Variants in STAT1 observed in about 807,000 individuals in gnomAD.
The protein encoded by STAT1 is signal transducer and activator of transcription 1-alpha/beta.
In STAT1, 24 loss-of-function variants were observed where a neutral mutation model predicts 111.7. That is an observed-to-expected ratio of 0.21 (90% CI 0.16 to 0.30). The LOEUF (loss-of-function observed/expected upper bound fraction) is 0.30, where lower values mean the gene tolerates loss of function less well. STAT1 is among the 10% of genes least tolerant of loss of function. STAT1 has a pLI of 1.00. For missense variants in STAT1, 351 were observed against 911.9 expected (o/e 0.38, Z 7.92); for synonymous variants, 332 against 326.5 (o/e 1.02, Z -0.18).
At chr2:191,011,714 T>G (rs1421235380) in intron 2 of STAT1, among the ~76,000 whole-genome samples, 2 of 152,110 alleles carry the variant, frequency 1.3e-5, no homozygotes, top group Non-Finnish European at 2.9e-5. Flanking sequence ...CCTCATGACA[T>G]CTGATGGTTT....
rs1481408953 is a variant in STAT1, at chr2:190,971,912, C to T, written c.2239-1195G>A. On this transcript the variant is annotated intron_variant, in intron 24 of 24. Coordinates refer to ENST00000361099, the MANE Select transcript of STAT1 (RefSeq NM_007315.4). The surrounding 1 kb of genome is among the most constrained non-coding windows in gnomAD (Gnocchi z 4.1). ...ATTTTTAGTAGAGATGGGGTTTCAC[C>T]GTGTTGGCCAGGCTGGTCTCAAACT... is the stretch of plus-strand genomic sequence containing the variant. Among the ~76,000 whole-genome samples, 9 of 152,054 alleles carry T rather than the reference C, an allele frequency of 5.9e-5. No homozygotes were observed. Among genetic ancestry groups the T allele is most frequent in the Admixed American group, 1.3e-4 (2 of 15,264 alleles).
rs1382612689 is a variant in STAT1 at position 191,009,929 on chromosome 2, A to ACTGT, written c.71_74dup (p.Ser25ArgfsTer26). 1 of 1,613,906 alleles carries ACTGT rather than the reference A, an allele frequency of 6.2e-7. No homozygotes were observed. The highest frequency in any genetic ancestry group is 8.5e-7 in the Non-Finnish European group (1 of 1,179,938). The stretch of plus-strand genomic sequence containing the variant: ...GGTACTGTCTGATTTCCATGGGAAA[A>ACTGT]CTGTCATCATAAAGCTGGTGAACCT... On this transcript the variant is annotated frameshift_variant, in exon 3 of 25. Transcript: ENST00000361099. LOFTEE classifies it high-confidence loss of function.
rs1221554844 is a variant in STAT1 at position 190,973,365 on chromosome 2, G to A, written c.2238+1465C>T. 6.6e-6 allele frequency among the ~76,000 whole-genome samples: 1 copy of A among 152,122 alleles called. No homozygotes were observed. Among genetic ancestry groups the A allele is most frequent in the Non-Finnish European group, 1.5e-5 (1 of 68,028 alleles). On this transcript the variant is annotated intron_variant, in intron 24 of 24. Transcript: ENST00000361099. The surrounding 1 kb of genome is among the most constrained non-coding windows in gnomAD (Gnocchi z 4.4). ...ATAAAAGGGGCTGTGTGGGGAGGAG[G>A]GGCTCTGTTCCCACATCTGTCAAAG...
At chr2:190,972,811 T>C (rs1406596718) in intron 24 of STAT1, among the ~76,000 whole-genome samples, 3 of 126,948 alleles carry the variant, frequency 2.4e-5, no homozygotes, top group Non-Finnish European at 4.9e-5. Flanking sequence ...TAGTGGTGTA[T>C]AGAGGGTGTG....
Position 190,980,791 on chromosome 2 carries a change from T to C in STAT1, c.1583-122A>G, listed in dbSNP as rs1692325547. 1.1e-5 allele frequency: 10 copies of C among 950,660 alleles called. No individual in the cohort carries two copies. The South Asian group carries it at 1.4e-4, about 13-fold the overall frequency. 58.9% of individuals were successfully genotyped at this position (950,660 alleles called of 1,614,324 possible). A position where few individuals can be genotyped will look rare whatever the true frequency, so the allele number is the denominator to read the frequency against. ...CCAAACACCCAACAAAGATTGTATG[T>C]ACACAGTTGACATTTTCGGATACCT... On this transcript the variant is annotated intron_variant, in intron 18 of 24. Coordinates refer to ENST00000361099, the MANE Select transcript of STAT1 (RefSeq NM_007315.4). This position sits in a 1 kb window ranked among gnomAD's most constrained non-coding sequence, Gnocchi z 6.1.
At position 190,987,196 on chromosome 2, in the gene STAT1, G is replaced by A. The variant is rs2125036435; in HGVS notation, c.1098-128C>T. The A allele has an allele frequency of 1.3e-6, 1 of 756,504 alleles. No individual in the cohort carries two copies. Among genetic ancestry groups the A allele is most frequent in the Non-Finnish European group, 2.2e-6 (1 of 447,782 alleles). 46.9% of individuals were successfully genotyped at this position (756,504 alleles called of 1,614,324 possible). ...GAATAAAAAATAAATCTACACCTATGGATTTGCAGCCTTTCATTCACTCCC... is the reference window on the plus strand; with the variant it reads ...GAATAAAAAATAAATCTACACCTATAGATTTGCAGCCTTTCATTCACTCCC... On this transcript the variant is annotated intron_variant, in intron 12 of 24. Transcript: ENST00000361099. The surrounding 1 kb of genome is among the most constrained non-coding windows in gnomAD (Gnocchi z 4.0).
rs1692588959 is a variant in STAT1, at chr2:190,984,015, A to G, written c.1348-275T>C. ...AGATGAAAACTGTCACAATGAAAAC[A>G]TAAAATGTGGGGGGAGGGCAGAGCA... is the stretch of plus-strand genomic sequence containing the variant. On this transcript the variant is annotated intron_variant, in intron 16 of 24. Transcript: ENST00000361099. The surrounding 1 kb of genome is among the most constrained non-coding windows in gnomAD (Gnocchi z 5.2). Among the ~76,000 whole-genome samples, 1 of 152,206 alleles carries G rather than the reference A, an allele frequency of 6.6e-6. No individual in the cohort carries two copies. Among genetic ancestry groups the G allele is most frequent in the South Asian group, 2.1e-4 (1 of 4,832 alleles).
At position 191,000,293 on chromosome 2, in the gene STAT1, G is replaced by A. The variant is rs183338975; in HGVS notation, c.463-589C>T. 8.5e-5 allele frequency among the ~76,000 whole-genome samples: 13 copies of A among 152,290 alleles called. No individual in the cohort carries two copies. The highest frequency in any genetic ancestry group is 2.1e-4 in the South Asian group (1 of 4,826). On this transcript the variant is annotated intron_variant, in intron 6 of 24. Transcript: ENST00000361099. The surrounding 1 kb of genome is among the most constrained non-coding windows in gnomAD (Gnocchi z 4.8). Reference sequence around the variant, plus strand: ...CTCTGGATTTCCATGGCTATTTCTGGACTGGGCTCACTCGGTTTCTACTTT... The same window carrying A: ...CTCTGGATTTCCATGGCTATTTCTGAACTGGGCTCACTCGGTTTCTACTTT...
At position 190,999,142 on chromosome 2, in the gene STAT1, T is replaced by G. The variant is rs1255015535; in HGVS notation, c.541+484A>C. Among the ~76,000 whole-genome samples the G allele has an allele frequency of 6.6e-6, 1 of 152,224 alleles. No homozygotes were observed. The highest frequency in any genetic ancestry group is 1.5e-5 in the Non-Finnish European group (1 of 68,040). ...CTGCTTTAAAACATGAGAAAAATAC[T>G]GAGCTTATCTGCTGTGTATACACGT... On this transcript the variant is annotated intron_variant, in intron 7 of 24. Coordinates refer to ENST00000361099, the MANE Select transcript of STAT1 (RefSeq NM_007315.4). The surrounding 1 kb of genome is among the most constrained non-coding windows in gnomAD (Gnocchi z 4.1).
rs1014128523 is a variant in STAT1 at position 190,986,787 on chromosome 2, G to A, written c.1221+67C>T. 5 of 1,485,532 alleles carry A rather than the reference G, an allele frequency of 3.4e-6. No homozygotes were observed. The African/African-American group carries it at 6.9e-5, about 21-fold the overall frequency. 92.0% of individuals were successfully genotyped at this position (1,485,532 alleles called of 1,614,324 possible). Reference sequence around the variant, plus strand: ...CCTCCACATGGCAATGTGCCAAAAAGGGCTGCTCTATTGTCAAAAGTCCTA... The same window carrying A: ...CCTCCACATGGCAATGTGCCAAAAAAGGCTGCTCTATTGTCAAAAGTCCTA... On this transcript the variant is annotated intron_variant, in intron 14 of 24. Coordinates refer to ENST00000361099, the MANE Select transcript of STAT1 (RefSeq NM_007315.4). This position sits in a 1 kb window ranked among gnomAD's most constrained non-coding sequence, Gnocchi z 5.0.
intron 1 of STAT1, 47 bp downstream of exon 1, chr2:191,013,971 T>A (rs906344657): frequency 3.8e-6 from 1 of 266,362 alleles, no homozygotes; most frequent in Non-Finnish European, 7.0e-6. Context: ...GAGGACTCTG[T>A]CCCTGCGCGT....
In STAT1 at chr2:190,989,007, TGGACCCCCAAGAGAGATGCCCATTCCTG is replaced by T. The variant is rs1211766057; in HGVS notation, c.1097+580_1097+607del. Among the ~76,000 whole-genome samples the T allele has an allele frequency of 6.6e-6, 1 of 152,098 alleles. No homozygotes were observed. Among genetic ancestry groups the T allele is most frequent in the South Asian group, 2.1e-4 (1 of 4,820 alleles). ...CAAAATAGGATGAGGCTGCTCCACC[TGGACCCCCAAGAGAGATGCCCATTCCTG>T]GGTTCCCACTGCCCAGAAGAGACAA... On this transcript the variant is annotated intron_variant, in intron 12 of 24. Transcript: ENST00000361099. This position sits in a 1 kb window ranked among gnomAD's most constrained non-coding sequence, Gnocchi z 5.0.
chr2:190,991,341 A>G, intron 10 of STAT1, 21 bp from the exon 11 acceptor site: 1 of 1,612,642 alleles, frequency 6.2e-7, no homozygotes, highest in Non-Finnish European at 8.5e-7. Flanking sequence ...CCAGCAAAGG[A>G]TAGATAAGTT....
At position 190,984,216 on chromosome 2, in the gene STAT1, T is replaced by A; in HGVS notation, c.1347+94A>T. 1 of 1,033,216 alleles carries A rather than the reference T, an allele frequency of 9.7e-7. No individual in the cohort carries two copies. The highest frequency in any genetic ancestry group is 1.5e-6 in the Non-Finnish European group (1 of 670,638). The allele number at this position is 1,033,216 out of a possible 1,614,324, so 64.0% of individuals were successfully genotyped here. A position where few individuals can be genotyped will look rare whatever the true frequency, so the allele number is the denominator to read the frequency against. On this transcript the variant is annotated intron_variant, in intron 16 of 24. Transcript: ENST00000361099. The surrounding 1 kb of genome is among the most constrained non-coding windows in gnomAD (Gnocchi z 5.2). ...GATCATTTTAAAACAATTAGGTAAA[T>A]ACCTCCAGAACAAACACTGAGAAAT...
chr2:190,972,458 G>A (rs1691564240), intron 24 of STAT1, among the ~76,000 whole-genome samples: 1 of 152,180 alleles, frequency 6.6e-6, no homozygotes, highest in Non-Finnish European at 1.5e-5. Context: ...AGGAGCCTAT[G>A]GTCCTGTTGC....
In STAT1 at chr2:190,987,882, A is replaced by C. The variant is rs1328557693; in HGVS notation, c.1098-814T>G. On this transcript the variant is annotated intron_variant, in intron 12 of 24. Coordinates refer to ENST00000361099, the MANE Select transcript of STAT1 (RefSeq NM_007315.4). This position sits in a 1 kb window ranked among gnomAD's most constrained non-coding sequence, Gnocchi z 4.0. ...ATTTTCCCGTTTGGAAAAAAAAAGA[A>C]TTTAAAATAAAAGGGATAGTATGAT... 1.3e-5 allele frequency among the ~76,000 whole-genome samples: 2 copies of C among 152,214 alleles called. No homozygotes were observed. Among genetic ancestry groups the C allele is most frequent in the African/African-American group, 4.8e-5 (2 of 41,454 alleles).
chr2:190,977,104 T>C lies in STAT1; in HGVS notation c.1874-79A>G. The C allele has an allele frequency of 1.4e-6, 2 of 1,410,908 alleles. No homozygotes were observed. Among genetic ancestry groups the C allele is most frequent in the Admixed American group, 1.7e-5 (1 of 59,152 alleles). The allele number at this position is 1,410,908 out of a possible 1,614,324, so 87.4% of individuals were successfully genotyped here. On this transcript the variant is annotated intron_variant, in intron 21 of 24. Coordinates refer to ENST00000361099, the MANE Select transcript of STAT1 (RefSeq NM_007315.4). The surrounding 1 kb of genome is among the most constrained non-coding windows in gnomAD (Gnocchi z 4.7). ...GACAGAGAAATAAAACACTGCAGAGTTGATGGATTTGAGTGAACCTCATAA... is the reference window on the plus strand; with the variant it reads ...GACAGAGAAATAAAACACTGCAGAGCTGATGGATTTGAGTGAACCTCATAA...
At position 190,998,801 on chromosome 2, in the gene STAT1, T is replaced by C. The variant is rs536366302; in HGVS notation, c.542-493A>G. Reference sequence around the variant, plus strand: ...TAAATGTAAATAACATTAATAATAATGTTATTATTATTATAAAAATAAATG... The same window carrying C: ...TAAATGTAAATAACATTAATAATAACGTTATTATTATTATAAAAATAAATG... On this transcript the variant is annotated intron_variant, in intron 7 of 24. Coordinates refer to ENST00000361099, the MANE Select transcript of STAT1 (RefSeq NM_007315.4). This position sits in a 1 kb window ranked among gnomAD's most constrained non-coding sequence, Gnocchi z 4.1. Among the ~76,000 whole-genome samples the C allele has an allele frequency of 2.0e-5, 3 of 151,502 alleles. No individual in the cohort carries two copies. Among genetic ancestry groups the C allele is most frequent in the African/African-American group, 7.3e-5 (3 of 41,324 alleles).
chr2:191,007,861 G>T lies in STAT1; in HGVS notation c.274-200C>A. The T allele has an allele frequency of 1.7e-6, 1 of 604,840 alleles. No homozygotes were observed. The highest frequency in any genetic ancestry group is 1.9e-5 in the South Asian group (1 of 53,388). The allele number at this position is 604,840 out of a possible 1,614,324, so 37.5% of individuals were successfully genotyped here. A position where few individuals can be genotyped will look rare whatever the true frequency, so the allele number is the denominator to read the frequency against. On this transcript the variant is annotated intron_variant, in intron 4 of 24. Coordinates refer to ENST00000361099, the MANE Select transcript of STAT1 (RefSeq NM_007315.4). This position sits in a 1 kb window ranked among gnomAD's most constrained non-coding sequence, Gnocchi z 4.2. The stretch of plus-strand genomic sequence containing the variant: ...CAAAAATTGCTTTAACTTTCTAAGT[G>T]CAGGTACCTAACGTACTTTTTGATT...
Sources: allele counts gnomAD v4.1 joint callset (sites outside exome capture counted in the v4.1 genomes callset), GRCh38; gene constraint gnomAD v4.1.1; non-coding constraint Gnocchi (gnomAD v3.1); transcripts MANE v1.5; gene names NCBI Gene and HGNC (gene_info 2026-07-23, HGNC 2026-07-21).